Variants in EFHC1 observed in about 807,000 individuals in gnomAD.
The protein encoded by EFHC1 is EF-hand domain containing 1.
A neutral mutation model predicts 69.9 loss-of-function variants in EFHC1; 53 were observed. The ratio of observed to expected loss-of-function variants is 0.76; its 90% CI spans 0.61 to 0.95. The LOEUF is 0.95. Among genes scored for constraint, EFHC1 ranks in the 40% least tolerant of loss-of-function variants. The pLI is 0.00. For synonymous variants in EFHC1, 256 were observed against 278.4 expected, an observed-to-expected ratio of 0.92 and a Z score of 0.80; for missense variants, 739 against 798.7, an observed-to-expected ratio of 0.93 and a Z score of 0.90.
At chr6:52,480,123 A>G in intron 9 of EFHC1, 3 of 535,058 alleles carry the variant, frequency 5.6e-6, no homozygotes, top group Non-Finnish European at 1.0e-5. Flanking sequence ...TGATAACATA[A>G]ACAGTTGATT....
In EFHC1 at chr6:52,494,205, T is replaced by C; in HGVS notation, c.*1864T>C. On this transcript the variant is annotated 3_prime_UTR_variant, in exon 11 of 11. Transcript: ENST00000371068. ...TAACCCTGATAAGCCCATTGTAAAG[T>C]AGGCAAATAAGTTGGACCATTGAAA... The C allele has an allele frequency of 2.2e-6, 1 of 454,128 alleles. No individual in the cohort carries two copies. The highest frequency in any genetic ancestry group is 6.9e-5 in the East Asian group (1 of 14,396). 28.1% of individuals were successfully genotyped at this position (454,128 alleles called of 1,614,324 possible). A position where few individuals can be genotyped will look rare whatever the true frequency, so the allele number is the denominator to read the frequency against.
At chr6:52,460,306 G>A (rs1159687399) in intron 5 of EFHC1, among the ~76,000 whole-genome samples, 3 of 152,170 alleles carry the variant, frequency 2.0e-5, no homozygotes, top group Non-Finnish European at 4.4e-5. Flanking sequence ...TTCCATTGGT[G>A]TAAAATTAAT....
At chr6:52,442,798 T>C (rs1423344983) in intron 3 of EFHC1, among the ~76,000 whole-genome samples, 1 of 152,218 alleles carries the variant, frequency 6.6e-6, no homozygotes. Flanking sequence ...TATAATCCTT[T>C]GGGTATATGC....
At chr6:52,457,827 A>C (rs1467711827) in intron 5 of EFHC1, among the ~76,000 whole-genome samples, 2 of 152,144 alleles carry the variant, frequency 1.3e-5, no homozygotes. Flanking sequence ...TTAGACCTTT[A>C]GTGTTCCAGA....
intron 6 of EFHC1, among the ~76,000 whole-genome samples, chr6:52,468,089 G>C (rs1765350078): frequency 6.6e-6 from 1 of 152,198 alleles, no homozygotes; most frequent in African/African-American, 2.4e-5. Context: ...TGTGTTTTCT[G>C]TCAGGCTGGC....
At chr6:52,453,354 C>T in intron 4 of EFHC1, 2 of 1,287,226 alleles carry the variant, frequency 1.6e-6, no homozygotes, top group Non-Finnish European at 2.0e-6. Flanking sequence ...TCTGTTCCAA[C>T]CTTCCTAATC....
At chr6:52,456,002 A>G (rs767506266) in intron 5 of EFHC1, among the ~76,000 whole-genome samples, 7 of 152,234 alleles carry the variant, frequency 4.6e-5, no homozygotes, top group Non-Finnish European at 8.8e-5. Context: ...GCTATAACAC[A>G]TGCAAAACAT....
intron 5 of EFHC1, among the ~76,000 whole-genome samples, chr6:52,456,434 A>G (rs12661193): frequency 0.099 from 15,116 of 152,308 alleles, 1,287 homozygotes; most frequent in East Asian, 0.45. Flanking sequence ...TCAGGGTGGC[A>G]TGAAAAGTCT....
At chr6:52,480,556 G>A (rs1765652355) in intron 9 of EFHC1, among the ~76,000 whole-genome samples, 1 of 152,152 alleles carries the variant, frequency 6.6e-6, no homozygotes, top group Admixed American at 6.6e-5. Context: ...ACAGTATATT[G>A]GGTGATGAAT....
Position 52,496,208 on chromosome 6 carries a change from C to CCACACACACACACACCCA in EFHC1, c.*3882_*3883insCCACACACACACACACAC, listed in dbSNP as rs1562469597. The CCACACACACACACACCCA allele has an allele frequency of 4.7e-5, 5 of 107,404 alleles. No homozygotes were observed. The highest frequency in any genetic ancestry group is 1.5e-4 in the African/African-American group (5 of 32,466). 6.7% of individuals were successfully genotyped at this position (107,404 alleles called of 1,614,324 possible). On this transcript the variant is annotated 3_prime_UTR_variant, in exon 11 of 11. Coordinates refer to ENST00000371068, the MANE Select transcript of EFHC1 (RefSeq NM_018100.4). ...GAAAGATTCTAATACACACACACAC[C>CCACACACACACACACCCA]CACACACACACACACACAAAGAGAG...
intron 3 of EFHC1, among the ~76,000 whole-genome samples, chr6:52,448,157 C>T (rs1248452788): frequency 6.6e-6 from 1 of 152,240 alleles, no homozygotes; most frequent in Non-Finnish European, 1.5e-5. Flanking sequence ...TCAGCTATGC[C>T]CTGCCCTCAG....
intron 3 of EFHC1, among the ~76,000 whole-genome samples, chr6:52,449,724 G>A (rs745592066): frequency 6.6e-6 from 1 of 152,138 alleles, no homozygotes; most frequent in Non-Finnish European, 1.5e-5. Flanking sequence ...TTCTACATTA[G>A]TCTAGCTAGT....
rs1034755555 is a variant in EFHC1 at position 52,493,104 on chromosome 6, T to G, written c.*763T>G. 1 of 454,030 alleles carries G rather than the reference T, an allele frequency of 2.2e-6. No individual in the cohort carries two copies. Among genetic ancestry groups the G allele is most frequent in the East Asian group, 6.9e-5 (1 of 14,396 alleles). The allele number at this position is 454,030 out of a possible 1,614,324, so 28.1% of individuals were successfully genotyped here. On this transcript the variant is annotated 3_prime_UTR_variant, in exon 11 of 11. Coordinates refer to ENST00000371068, the MANE Select transcript of EFHC1 (RefSeq NM_018100.4). Reference sequence around the variant, plus strand: ...GGTAAGAGAATTCCTCCTGCCTGACTGGCTTCAAATTGGAACATCAGCCTT... The same window carrying G: ...GGTAAGAGAATTCCTCCTGCCTGACGGGCTTCAAATTGGAACATCAGCCTT...
chr6:52,437,003 A>G (rs1240939537), intron 2 of EFHC1, among the ~76,000 whole-genome samples: 1 of 152,134 alleles, frequency 6.6e-6, no homozygotes, highest in Non-Finnish European at 1.5e-5. Flanking sequence ...CACATTGATG[A>G]TGATGCTCCC....
rs1467122032 is a variant in EFHC1 at position 52,479,050 on chromosome 6, C to T, written c.1292C>T (p.Pro431Leu). The change falls in exon 8 of 11, where the codon CCA becomes CTA. Residue 431 changes from proline (P) to leucine (L), a missense_variant. Coordinates refer to ENST00000371068, the MANE Select transcript of EFHC1 (RefSeq NM_018100.4). The stretch of plus-strand genomic sequence containing the variant: ...TCACCTTTGTAGGAATCCCCCATCC[C>T]AGAAGACAAAGACCGCAGATTTGTC... ...RYLAVLESPI[P>L]EDKDRRFVFS... is the part of the protein sequence containing the mutation. 6.2e-7 allele frequency: 1 copy of T among 1,613,772 alleles called. No homozygotes were observed. Among genetic ancestry groups the T allele is most frequent in the South Asian group, 1.1e-5 (1 of 91,078 alleles).
chr6:52,429,685 A>C (rs1439890623), intron 2 of EFHC1, among the ~76,000 whole-genome samples: 1 of 151,946 alleles, frequency 6.6e-6, no homozygotes, highest in Non-Finnish European at 1.5e-5. Context: ...GGCTCTTTTT[A>C]GGTTCTATAT....
intron 10 of EFHC1, among the ~76,000 whole-genome samples, chr6:52,491,308 G>T (rs1481971855): frequency 6.6e-6 from 1 of 152,202 alleles, no homozygotes; most frequent in Non-Finnish European, 1.5e-5. Context: ...GCAGTCATTG[G>T]CAAGTGGAGC....
rs1766075923 is a variant in EFHC1, at chr6:52,496,852, C to T, written c.*4511C>T. ...CCCATGGGTGTCCTTGACTAACTGC[C>T]ACCTGTAACTGCACTCATCTTTTGA... is the stretch of plus-strand genomic sequence containing the variant. On this transcript the variant is annotated 3_prime_UTR_variant, in exon 11 of 11. Transcript: ENST00000371068. The T allele has an allele frequency of 6.6e-6, 1 of 152,186 alleles. No homozygotes were observed. The highest frequency in any genetic ancestry group is 2.1e-4 in the South Asian group (1 of 4,826). The allele number at this position is 152,186 out of a possible 1,614,324, so 9.4% of individuals were successfully genotyped here.
intron 2 of EFHC1, among the ~76,000 whole-genome samples, chr6:52,435,770 A>G (rs1446577009): frequency 1.3e-5 from 2 of 152,120 alleles, no homozygotes; most frequent in African/African-American, 4.8e-5. Context: ...CCCCCCTTGT[A>G]TCCTCTGCTG....
Sources: allele counts gnomAD v4.1 joint callset (sites outside exome capture counted in the v4.1 genomes callset), GRCh38; gene constraint gnomAD v4.1.1; transcripts MANE v1.5; gene names NCBI Gene and HGNC (gene_info 2026-07-23, HGNC 2026-07-21).